NLGN4Y: variants seen among roughly 807,000 people sequenced by gnomAD.
NLGN4Y encodes the protein neuroligin-4, Y-linked.
NLGN4Y carries 4 observed loss-of-function variants against 8.4 expected under a neutral mutation model. That is an observed-to-expected ratio of 0.48 (90% CI 0.23 to 1.09). NLGN4Y has a LOEUF of 1.09. Among genes scored for constraint, NLGN4Y ranks in the 50% least tolerant of loss-of-function variants. NLGN4Y has a pLI of 0.19. For missense variants in NLGN4Y, 90 were observed against 192.3 expected (o/e 0.47, Z 3.15); for synonymous variants, 35 against 75.6 (o/e 0.46, Z 2.78).
chrY:14,523,402 T>A (rs913480714), upstream of NLGN4Y: 13 of 39,428 alleles, frequency 3.3e-4, no homozygotes, highest in Admixed American at 7.4e-4. Flanking sequence ...AGGGGAAAAA[T>A]ATATATATAT....
upstream of NLGN4Y, chrY:14,523,458 C>T (rs1328967617): frequency 9.6e-6 from 1 of 104,473 alleles, no homozygotes; most frequent in Non-Finnish European, 2.2e-5. Context: ...TGTGAGTGTA[C>T]ACATACACAC....
At chrY:14,840,250 C>G in intron 6 of NLGN4Y, among the ~76,000 whole-genome samples, 163 bp from the exon 7 acceptor site, 2 of 33,441 alleles carry the variant, frequency 6.0e-5, no homozygotes, top group Non-Finnish European at 1.5e-4. Context: ...ATAGACATGC[C>G]TAGGATGAAA....
At chrY:14,733,216 A>G (rs946854153) in intron 4 of NLGN4Y, among the ~76,000 whole-genome samples, 1 of 33,935 alleles carries the variant, frequency 2.9e-5, no homozygotes, top group Non-Finnish European at 7.3e-5. Context: ...GACTTGTAGC[A>G]TTTTTGGGAA....
intron 4 of NLGN4Y, among the ~76,000 whole-genome samples, chrY:14,773,884 T>C (rs2081116174): frequency 3.0e-5 from 1 of 33,334 alleles, no homozygotes; most frequent in Non-Finnish European, 7.4e-5. Context: ...AAACAGAAAC[T>C]GGACCCCTTC....
At chrY:14,639,723 C>T in intron 2 of NLGN4Y, 4 of 146,959 alleles carry the variant, frequency 2.7e-5, no homozygotes, top group African/African-American at 9.0e-5. Flanking sequence ...GACTGGCCTT[C>T]GATGGGGACC....
At chrY:14,673,315 C>T (rs1603502505) in intron 2 of NLGN4Y, among the ~76,000 whole-genome samples, 207 of 31,267 alleles carry the variant, frequency 6.6e-3, no homozygotes, top group African/African-American at 0.025. Flanking sequence ...CTACAATGAA[C>T]TCAAACAAAT....
intron 1 of NLGN4Y, among the ~76,000 whole-genome samples, chrY:14,555,654 C>A: frequency 9.0e-5 from 3 of 33,306 alleles, no homozygotes; most frequent in Non-Finnish European, 2.2e-4. Context: ...GAGTTATGAA[C>A]TTGATTGATG....
At chrY:14,673,730 G>A (rs2150529766) in intron 2 of NLGN4Y, among the ~76,000 whole-genome samples, 1 of 33,297 alleles carries the variant, frequency 3.0e-5, no homozygotes, top group East Asian at 7.9e-4. Context: ...ACATGCACAC[G>A]TATGTTTATT....
At chrY:14,809,662 C>T in intron 4 of NLGN4Y, among the ~76,000 whole-genome samples, 1 of 30,921 alleles carries the variant, frequency 3.2e-5, no homozygotes, top group Non-Finnish European at 7.8e-5. Flanking sequence ...ATTATCCTGC[C>T]TCAGCCTCCC....
intron 4 of NLGN4Y, among the ~76,000 whole-genome samples, chrY:14,773,119 A>T: frequency 3.0e-5 from 1 of 33,189 alleles, no homozygotes; most frequent in South Asian, 6.7e-4. Flanking sequence ...GGAAGAGAGG[A>T]AGTCAAATTG....
At chrY:14,663,784 T>C in intron 2 of NLGN4Y, among the ~76,000 whole-genome samples, 1 of 32,951 alleles carries the variant, frequency 3.0e-5, no homozygotes, top group African/African-American at 1.2e-4. Flanking sequence ...TACTCCAGCC[T>C]AGGGTGCAGA....
At chrY:14,793,086 C>T in intron 4 of NLGN4Y, among the ~76,000 whole-genome samples, 1 of 32,504 alleles carries the variant, frequency 3.1e-5, no homozygotes, top group Non-Finnish European at 7.5e-5. Flanking sequence ...AGGAAATTCA[C>T]GATCTCTTCT....
chrY:14,660,380 G>A (rs868116561), intron 2 of NLGN4Y, among the ~76,000 whole-genome samples: 3 of 32,476 alleles, frequency 9.2e-5, no homozygotes, highest in African/African-American at 3.6e-4. Context: ...CCAATCCCCC[G>A]CCCTGCTTTA....
chrY:14,837,347 T>C, intron 6 of NLGN4Y, among the ~76,000 whole-genome samples: 1 of 33,352 alleles, frequency 3.0e-5, no homozygotes, highest in Non-Finnish European at 7.4e-5. Context: ...ACTATATCCA[T>C]CTCTAGCTAA....
At chrY:14,726,060 C>T (rs2080954566) in intron 4 of NLGN4Y, among the ~76,000 whole-genome samples, 2 of 33,081 alleles carry the variant, frequency 6.0e-5, no homozygotes, top group African/African-American at 2.4e-4. Flanking sequence ...TGTATAAAAA[C>T]GATACCTAAA....
intron 1 of NLGN4Y, among the ~76,000 whole-genome samples, chrY:14,565,700 C>T (rs2080249124): frequency 3.1e-5 from 1 of 32,680 alleles, no homozygotes; most frequent in African/African-American, 1.2e-4. Context: ...AGAAGAGCAA[C>T]CCCAAGACAC....
At chrY:14,801,095 T>TA (rs2043028548) in intron 4 of NLGN4Y, among the ~76,000 whole-genome samples, 1 of 32,966 alleles carries the variant, frequency 3.0e-5, no homozygotes, top group Non-Finnish European at 7.5e-5. Flanking sequence ...TCACAATAAC[T>TA]AAAAAATTGA....
At chrY:14,811,060 G>A (rs560704460) in intron 4 of NLGN4Y, among the ~76,000 whole-genome samples, 1 of 33,487 alleles carries the variant, frequency 3.0e-5, no homozygotes, top group Middle Eastern at 0.014. Flanking sequence ...TCAAGCTACA[G>A]AATTTGAGTG....
At chrY:14,596,537 C>G (rs775626443) in intron 1 of NLGN4Y, among the ~76,000 whole-genome samples, 1 of 33,569 alleles carries the variant, frequency 3.0e-5, no homozygotes, top group South Asian at 6.8e-4. Flanking sequence ...GGTCAACCAA[C>G]ATGTTGTTGG....
Sources: allele counts gnomAD v4.1 joint callset (sites outside exome capture counted in the v4.1 genomes callset), GRCh38; gene constraint gnomAD v4.1.1; transcripts MANE v1.5; gene names NCBI Gene and HGNC (gene_info 2026-07-23, HGNC 2026-07-21).